NFIA: variants seen among roughly 807,000 people sequenced by gnomAD.
NFIA encodes nuclear factor 1 A-type.
In NFIA, 8 loss-of-function variants were observed where a neutral mutation model predicts 62.8. That is an observed-to-expected ratio of 0.13 (90% confidence interval 0.07 to 0.23). NFIA has a LOEUF of 0.23. NFIA is among the 10% of genes least tolerant of loss of function. The pLI is 1.00. For synonymous variants in NFIA, 235 were observed against 238.1 expected (o/e 0.99, Z 0.12); for missense variants, 410 against 642.1 (o/e 0.64, Z 3.91).
At chr1:61,172,404 T>C (rs1423092825) in intron 2 of NFIA, among the ~76,000 whole-genome samples, 1 of 152,200 alleles carries the variant, frequency 6.6e-6, no homozygotes, top group Non-Finnish European at 1.5e-5. Flanking sequence ...TAGAAGTTTA[T>C]TTATAATTGG....
intron 2 of NFIA, among the ~76,000 whole-genome samples, chr1:61,113,288 A>G (rs1196890181): frequency 1.3e-5 from 2 of 151,952 alleles, no homozygotes; most frequent in Non-Finnish European, 2.9e-5. Flanking sequence ...ATTTTTAAAT[A>G]CCAAATGAGA....
At chr1:61,140,965 GTTTTTTTTTT>G (rs35173386) in intron 2 of NFIA, among the ~76,000 whole-genome samples, 2 of 88,632 alleles carry the variant, frequency 2.3e-5, no homozygotes, top group Admixed American at 1.5e-4. Context: ...CCACAGCTGG[GTTTTTTTTTT>G]TTTTTTTTTT....
chr1:61,281,264 T>G (rs950715325), intron 3 of NFIA, among the ~76,000 whole-genome samples: 1 of 150,448 alleles, frequency 6.6e-6, no homozygotes, highest in Non-Finnish European at 1.5e-5. Context: ...AGAAAAGAAA[T>G]AAAATACTAA....
chr1:61,207,609 A>G (rs974336727), intron 2 of NFIA, among the ~76,000 whole-genome samples: 2 of 152,174 alleles, frequency 1.3e-5, no homozygotes, highest in East Asian at 3.9e-4. Flanking sequence ...GTGAGCACTC[A>G]TCTTTGACCA....
chr1:61,277,829 C>G (rs920544953), intron 3 of NFIA, among the ~76,000 whole-genome samples: 1 of 152,124 alleles, frequency 6.6e-6, no homozygotes, highest in African/African-American at 2.4e-5. Context: ...CCTGAATTCC[C>G]AAGAACGTTG....
intron 10 of NFIA, among the ~76,000 whole-genome samples, chr1:61,442,850 C>T (rs1459945849): frequency 6.6e-6 from 1 of 152,156 alleles, no homozygotes; most frequent in Admixed American, 6.5e-5. Flanking sequence ...AGCCCAAATT[C>T]CACCCAATCA....
chr1:61,406,543 G>GGGGGGGGGCCC lies in NFIA; in HGVS notation c.1255-19_1255-18insGGGGGGGGCCC. On this transcript the variant is annotated intron_variant, in intron 8 of 10. Transcript: ENST00000403491. ...TCTTTTTCTTGTACGTGTGTTTTCT[G>GGGGGGGGGCCC]CCCCCCCCCCCCCCACAGCCCAATG... The GGGGGGGGGCCC allele has an allele frequency of 1.1e-6, 1 of 876,654 alleles. No individual in the cohort carries two copies. Among genetic ancestry groups the GGGGGGGGGCCC allele is most frequent in the Non-Finnish European group, 1.5e-6 (1 of 653,744 alleles). 54.3% of individuals were successfully genotyped at this position (876,654 alleles called of 1,614,324 possible). A position where few individuals can be genotyped will look rare whatever the true frequency, so the allele number is the denominator to read the frequency against.
chr1:61,089,543 C>T (rs1646279474), intron 2 of NFIA, among the ~76,000 whole-genome samples: 1 of 152,062 alleles, frequency 6.6e-6, no homozygotes, highest in Non-Finnish European at 1.5e-5. Context: ...TGTGAACGCT[C>T]AGGTCTTGTG....
intron 7 of NFIA, among the ~76,000 whole-genome samples, chr1:61,385,416 C>A (rs1427727132): frequency 6.6e-6 from 1 of 152,132 alleles, no homozygotes; most frequent in Non-Finnish European, 1.5e-5. Context: ...TTTTCCTTCC[C>A]ACTCACCTTC....
At chr1:61,106,509 T>C (rs531300071) in intron 2 of NFIA, among the ~76,000 whole-genome samples, 3 of 152,010 alleles carry the variant, frequency 2.0e-5, no homozygotes, top group Admixed American at 6.6e-5. Context: ...TTGATTATTA[T>C]TGTATTTTCT....
chr1:61,330,338 T>C (rs545129414), intron 3 of NFIA, among the ~76,000 whole-genome samples: 98 of 152,080 alleles, frequency 6.4e-4, no homozygotes, highest in African/African-American at 2.3e-3. Flanking sequence ...AAGTATACAG[T>C]GGTAAATTAA....
intron 3 of NFIA, among the ~76,000 whole-genome samples, chr1:61,296,999 C>G (rs1009833487): frequency 1.3e-5 from 2 of 152,176 alleles, no homozygotes; most frequent in Admixed American, 6.5e-5. Context: ...ATGTGAAGTA[C>G]ATGGCATAAA....
chr1:61,104,456 T>G (rs10493301), intron 2 of NFIA, among the ~76,000 whole-genome samples: 9,911 of 152,120 alleles, frequency 0.065, 802 homozygotes, highest in East Asian at 0.36. Flanking sequence ...TTAAAACTGT[T>G]AGACCAATTT....
chr1:61,306,046 T>C (rs114805367), intron 3 of NFIA, among the ~76,000 whole-genome samples: 2,015 of 151,170 alleles, frequency 0.013, 17 homozygotes, highest in Middle Eastern at 0.024. Context: ...GAGACAGAGT[T>C]TCACCGTGTT....
At chr1:61,383,110 A>G in intron 6 of NFIA, 127 bp from the exon 7 acceptor site, 2 of 1,208,220 alleles carry the variant, frequency 1.7e-6, no homozygotes, top group Non-Finnish European at 2.4e-6. Flanking sequence ...AATTCACAAC[A>G]TCTTTTTCAT....
intron 2 of NFIA, among the ~76,000 whole-genome samples, chr1:61,243,936 A>G (rs574553491): frequency 3.9e-5 from 6 of 152,292 alleles, no homozygotes; most frequent in East Asian, 3.9e-4. Context: ...AATTTTTTCT[A>G]TTAGTCCTTC....
chr1:61,444,640 T>C (rs1374749753), intron 10 of NFIA, among the ~76,000 whole-genome samples: 1 of 152,194 alleles, frequency 6.6e-6, no homozygotes, highest in African/African-American at 2.4e-5. Flanking sequence ...ATTTTACTCC[T>C]TTAAAAGAAG....
chr1:61,404,548 A>G (rs2100521614), intron 8 of NFIA, among the ~76,000 whole-genome samples: 1 of 152,324 alleles, frequency 6.6e-6, no homozygotes, highest in South Asian at 2.1e-4. Flanking sequence ...TAACCTTCTA[A>G]GTTCTGTGGG....
chr1:61,389,500 AT>A (rs1341704556), intron 7 of NFIA, among the ~76,000 whole-genome samples: 4 of 152,176 alleles, frequency 2.6e-5, no homozygotes, highest in Non-Finnish European at 5.9e-5. Context: ...TTAGCAACAT[AT>A]TCCCCATTAT....
Sources: gnomAD v4.1 joint callset for allele counts (sites outside exome capture counted in the v4.1 genomes callset) on GRCh38, gnomAD v4.1.1 for gene constraint, MANE v1.5 for transcripts, NCBI Gene and HGNC (gene_info 2026-07-23, HGNC 2026-07-21) for gene names.